The following SH3KBP1 variants were observed in gnomAD, a reference collection of about 807,000 sequenced individuals.
SH3KBP1 encodes SH3 domain containing kinase binding protein 1.
Under a neutral mutation model 50.1 loss-of-function variants are expected in SH3KBP1, and 8 were observed. That is an observed-to-expected ratio of 0.16 (90% CI 0.09 to 0.29). The LOEUF (loss-of-function observed/expected upper bound fraction) is 0.29. Among genes scored for constraint, SH3KBP1 ranks in the 10% least tolerant of loss-of-function variants. The pLI, the probability that SH3KBP1 is intolerant of heterozygous loss-of-function variation, is 1.00. For synonymous variants in SH3KBP1, 227 were observed against 218.6 expected (o/e 1.04, Z -0.34); for missense variants, 377 against 535.2 (o/e 0.70, Z 2.92).
At chrX:19,674,652 C>A (rs1192098409) in intron 6 of SH3KBP1, among the ~76,000 whole-genome samples, 2 of 112,482 alleles carry the variant, frequency 1.8e-5, no homozygotes, top group African/African-American at 6.5e-5. Context: ...GTGACTAACA[C>A]AGACAAGGTC....
intron 6 of SH3KBP1, among the ~76,000 whole-genome samples, chrX:19,682,689 A>T (rs1166084946): frequency 9.0e-6 from 1 of 110,700 alleles, no homozygotes; most frequent in Non-Finnish European, 1.9e-5. Context: ...TTGAAAAAAA[A>T]AGTTTAAATG....
At chrX:19,668,421 C>A (rs955461013) in intron 6 of SH3KBP1, among the ~76,000 whole-genome samples, 4 of 105,494 alleles carry the variant, frequency 3.8e-5, no homozygotes, top group Non-Finnish European at 5.8e-5. Context: ...GCAGGAGAAT[C>A]GAGGGAAATC....
At chrX:19,670,979 G>A in intron 6 of SH3KBP1, 1 of 1,090,532 alleles carries the variant, frequency 9.2e-7, no homozygotes, top group Non-Finnish European at 1.2e-6. Context: ...GCCTAACCCT[G>A]AGTCATACTT....
intron 6 of SH3KBP1, among the ~76,000 whole-genome samples, chrX:19,667,324 C>T (rs935806058): frequency 8.9e-6 from 1 of 112,080 alleles, no homozygotes; most frequent in Admixed American, 9.4e-5. Context: ...GAACTACACA[C>T]TTAAAAATGG....
At chrX:19,761,587 T>C (rs1399106971) in intron 2 of SH3KBP1, among the ~76,000 whole-genome samples, 3 of 111,901 alleles carry the variant, frequency 2.7e-5, no homozygotes, top group African/African-American at 6.5e-5. Context: ...ACTACCATGA[T>C]AGTTAAGAGA....
intron 3 of SH3KBP1, among the ~76,000 whole-genome samples, chrX:19,740,228 T>C (rs1432457396): frequency 9.0e-6 from 1 of 111,513 alleles, no homozygotes; most frequent in Non-Finnish European, 1.9e-5. Flanking sequence ...CCAATAAAAC[T>C]TGCCAGAAAT....
intron 8 of SH3KBP1, among the ~76,000 whole-genome samples, chrX:19,624,794 C>T (rs371695007): frequency 8.9e-6 from 1 of 112,201 alleles, no homozygotes; most frequent in East Asian, 2.8e-4. Flanking sequence ...ACAAGATAGG[C>T]CATGCTGCAA....
At chrX:19,584,309 A>ATATTTATATT (rs2066490755) in intron 12 of SH3KBP1, among the ~76,000 whole-genome samples, 1 of 94,231 alleles carries the variant, frequency 1.1e-5, no homozygotes, top group African/African-American at 4.3e-5. Context: ...ATTTATAAAT[A>ATATTTATATT]TGTATTTATA....
At chrX:19,812,987 C>T (rs982526705) in intron 2 of SH3KBP1, among the ~76,000 whole-genome samples, 1 of 106,282 alleles carries the variant, frequency 9.4e-6, no homozygotes, top group Non-Finnish European at 1.9e-5. Context: ...AAGACAACAA[C>T]AAAAAATTAG....
intron 12 of SH3KBP1, among the ~76,000 whole-genome samples, chrX:19,571,573 T>A (rs1398118307): frequency 8.9e-6 from 1 of 112,488 alleles, no homozygotes; most frequent in African/African-American, 3.2e-5. Context: ...GAAATGCATT[T>A]TCATTTTTAA....
Position 19,583,302 on chromosome X carries a change from C to T in SH3KBP1, c.1298+5341G>A, listed in dbSNP as rs747902335. On this transcript the variant is annotated intron_variant, in intron 12 of 17. Transcript: ENST00000397821. The stretch of plus-strand genomic sequence containing the variant: ...CTGAGTAGCTGGGATTACAGGCACC[C>T]GCCACCAAGCCTGGCTAATTTTTTG... 3.9e-4 allele frequency among the ~76,000 whole-genome samples: 42 copies of T among 108,681 alleles called. 1 individual carries two copies. The highest frequency in any genetic ancestry group is 4.0e-4 in the South Asian group (1 of 2,485). 94.4% of individuals were successfully genotyped at this position (108,681 alleles called of 115,157 possible).
intron 1 of SH3KBP1, among the ~76,000 whole-genome samples, chrX:19,862,855 A>G (rs1328650424): frequency 1.8e-5 from 2 of 112,091 alleles, no homozygotes; most frequent in East Asian, 5.6e-4. Context: ...TGAAAGACTA[A>G]TCAGAGTCCA....
intron 9 of SH3KBP1, among the ~76,000 whole-genome samples, chrX:19,607,191 C>A (rs1260671276): frequency 8.9e-6 from 1 of 112,579 alleles, no homozygotes; most frequent in South Asian, 3.6e-4. Flanking sequence ...TAACAGAGTC[C>A]CCATGGACAT....
Position 19,811,781 on chromosome X carries a change from C to T in SH3KBP1, c.162+24344G>A, listed in dbSNP as rs1251391473. 3.6e-5 allele frequency among the ~76,000 whole-genome samples: 4 copies of T among 111,779 alleles called. No homozygotes were observed. In the South Asian group the frequency reaches 1.5e-3, roughly 41 times the overall value. ...TTTGACAGCCAGGAAAAGTACAACCCCAAGAGCTTCAGCATGGCCACCAGT... is the reference window on the plus strand; with the variant it reads ...TTTGACAGCCAGGAAAAGTACAACCTCAAGAGCTTCAGCATGGCCACCAGT... On this transcript the variant is annotated intron_variant, in intron 2 of 17. Transcript: ENST00000397821.
chrX:19,632,779 T>C (rs894717300), intron 7 of SH3KBP1, among the ~76,000 whole-genome samples: 1 of 112,798 alleles, frequency 8.9e-6, no homozygotes, highest in Non-Finnish European at 1.9e-5. Flanking sequence ...GTGAAAACAT[T>C]TGTATTTCGG....
intron 2 of SH3KBP1, among the ~76,000 whole-genome samples, chrX:19,795,576 A>G (rs2066683893): frequency 9.0e-6 from 1 of 111,527 alleles, no homozygotes; most frequent in African/African-American, 3.3e-5. Flanking sequence ...TTCTGAGGCC[A>G]TTACAGAGGC....
intron 6 of SH3KBP1, among the ~76,000 whole-genome samples, chrX:19,673,103 C>T (rs2062843531): frequency 9.3e-6 from 1 of 107,889 alleles, no homozygotes; most frequent in South Asian, 4.0e-4. Flanking sequence ...ATGAAACGTA[C>T]CACGTTAATG....
intron 15 of SH3KBP1, among the ~76,000 whole-genome samples, chrX:19,543,335 C>T (rs948039736): frequency 8.9e-5 from 10 of 111,747 alleles, no homozygotes; most frequent in Admixed American, 2.8e-4. Flanking sequence ...TAATGATTTC[C>T]GTTTTTGACA....
At chrX:19,649,831 C>T (rs955421794) in intron 6 of SH3KBP1, among the ~76,000 whole-genome samples, 4 of 112,021 alleles carry the variant, frequency 3.6e-5, no homozygotes, top group Admixed American at 1.9e-4. Context: ...GAAAGGCAAT[C>T]GCTGGATTGG....
Sources: gnomAD v4.1 joint callset for allele counts (sites outside exome capture counted in the v4.1 genomes callset) on GRCh38, gnomAD v4.1.1 for gene constraint, MANE v1.5 for transcripts, NCBI Gene and HGNC (gene_info 2026-07-23, HGNC 2026-07-21) for gene names.